Variants in KCNB2 observed in about 807,000 individuals in gnomAD.
KCNB2 encodes the protein delayed rectifier potassium channel protein.
KCNB2 carries 15 observed loss-of-function variants against 61.5 expected under a neutral mutation model. The observed-to-expected ratio is 0.24, with a 90% CI of 0.16 to 0.38. KCNB2 has a LOEUF of 0.38. Among genes scored for constraint, KCNB2 ranks in the 10% least tolerant of loss-of-function variants. The pLI is 1.00. For missense variants in KCNB2, 828 were observed against 1,125.2 expected (o/e 0.74, Z 3.78); for synonymous variants, 457 against 446.0 (o/e 1.02, Z -0.31).
chr8:72,909,156 G>A (rs1169708536), intron 2 of KCNB2, among the ~76,000 whole-genome samples: 2 of 152,132 alleles, frequency 1.3e-5, no homozygotes, highest in Non-Finnish European at 2.9e-5. Flanking sequence ...ATAATCCAGG[G>A]CAACTCCATG....
chr8:72,915,545 A>C (rs1284000976), intron 2 of KCNB2, among the ~76,000 whole-genome samples: 4 of 152,148 alleles, frequency 2.6e-5, no homozygotes. Flanking sequence ...ATAGACACAG[A>C]CATAGAATAT....
At chr8:72,646,003 G>A (rs574778104) in intron 2 of KCNB2, among the ~76,000 whole-genome samples, 1 of 152,180 alleles carries the variant, frequency 6.6e-6, no homozygotes, top group East Asian at 1.9e-4. Context: ...CATTAGTGTT[G>A]TCACAAGAAT....
At chr8:72,881,961 C>A (rs1187240003) in intron 2 of KCNB2, among the ~76,000 whole-genome samples, 1 of 152,156 alleles carries the variant, frequency 6.6e-6, no homozygotes, top group Non-Finnish European at 1.5e-5. Context: ...AAAATAAAAC[C>A]CAGCGTTATC....
At chr8:72,857,183 G>C (rs1810220342) in intron 2 of KCNB2, among the ~76,000 whole-genome samples, 1 of 152,172 alleles carries the variant, frequency 6.6e-6, no homozygotes, top group African/African-American at 2.4e-5. Context: ...TGAGCCTCTT[G>C]AGGGAGTCAG....
intron 2 of KCNB2, among the ~76,000 whole-genome samples, chr8:72,704,054 G>A (rs1352570658): frequency 1.3e-5 from 2 of 152,158 alleles, no homozygotes; most frequent in Non-Finnish European, 2.9e-5. Flanking sequence ...CATCCCACAC[G>A]TAAATCTCAC....
At chr8:72,925,986 A>G (rs185126479) in intron 2 of KCNB2, among the ~76,000 whole-genome samples, 182 of 152,302 alleles carry the variant, frequency 1.2e-3, no homozygotes, top group Non-Finnish European at 2.0e-3. Context: ...TCAGCAAAGT[A>G]ACTTAGGAAC....
At chr8:72,735,292 T>C (rs1426237623) in intron 2 of KCNB2, among the ~76,000 whole-genome samples, 1 of 152,148 alleles carries the variant, frequency 6.6e-6, no homozygotes, top group Non-Finnish European at 1.5e-5. Context: ...TATAGATAAG[T>C]ATTGAGGCTT....
intron 2 of KCNB2, among the ~76,000 whole-genome samples, chr8:72,729,687 C>A (rs1342076231): frequency 6.6e-6 from 1 of 152,098 alleles, no homozygotes; most frequent in African/African-American, 2.4e-5. Flanking sequence ...AGTTCGAGAC[C>A]AGCCTGACCA....
At chr8:72,858,636 TCATA>T (rs1430871571) in intron 2 of KCNB2, among the ~76,000 whole-genome samples, 1 of 152,150 alleles carries the variant, frequency 6.6e-6, no homozygotes, top group African/African-American at 2.4e-5. Context: ...CATGACCCTC[TCATA>T]CAATGAAGAA....
chr8:72,564,049 G>A (rs1806585550), intron 1 of KCNB2, among the ~76,000 whole-genome samples: 1 of 152,182 alleles, frequency 6.6e-6, no homozygotes, highest in Non-Finnish European at 1.5e-5. Context: ...TGCGGGACTT[G>A]TAATCAACAC....
chr8:72,610,554 C>T (rs1805520983), intron 2 of KCNB2, among the ~76,000 whole-genome samples: 1 of 152,002 alleles, frequency 6.6e-6, no homozygotes. Flanking sequence ...AAAAATAACA[C>T]TCATAATAAT....
At chr8:72,604,431 G>T in intron 2 of KCNB2, among the ~76,000 whole-genome samples, 1 of 152,174 alleles carries the variant, frequency 6.6e-6, no homozygotes, top group East Asian at 1.9e-4. Flanking sequence ...TTGGGATGTG[G>T]CATTTAAGAG....
chr8:72,797,075 C>T (rs917714807), intron 2 of KCNB2, among the ~76,000 whole-genome samples: 4 of 152,074 alleles, frequency 2.6e-5, no homozygotes, highest in African/African-American at 4.8e-5. Context: ...AACGATGGTA[C>T]GATATGACAT....
chr8:72,655,863 G>T (rs1431406030), intron 2 of KCNB2, among the ~76,000 whole-genome samples: 3 of 152,084 alleles, frequency 2.0e-5, no homozygotes, highest in Non-Finnish European at 4.4e-5. Flanking sequence ...ACAACATGTG[G>T]TTGCTGGGCA....
In KCNB2 at chr8:72,848,461, GA is replaced by G. The variant is rs567758519; in HGVS notation, c.580-87472del. On this transcript the variant is annotated intron_variant, in intron 2 of 2. Coordinates refer to ENST00000523207, the MANE Select transcript of KCNB2 (RefSeq NM_004770.3). ...TAATAATAAATTTATTATTTGTAAA[GA>G]ATAATAATAAATAAATCGAGATAAA... Among the ~76,000 whole-genome samples, 267 of 151,962 alleles carry G rather than the reference GA, an allele frequency of 1.8e-3. 1 individual carries two copies. Among genetic ancestry groups the G allele is most frequent in the African/African-American group, 6.2e-3 (256 of 41,518 alleles).
intron 2 of KCNB2, among the ~76,000 whole-genome samples, chr8:72,678,625 A>G (rs914627734): frequency 2.6e-5 from 4 of 152,072 alleles, no homozygotes; most frequent in Non-Finnish European, 5.9e-5. Flanking sequence ...CTTTGATAAA[A>G]CCCTTGCCTA....
intron 2 of KCNB2, among the ~76,000 whole-genome samples, chr8:72,716,497 G>T (rs1348988507): frequency 6.6e-6 from 1 of 152,204 alleles, no homozygotes; most frequent in African/African-American, 2.4e-5. Context: ...GGGATGCATG[G>T]CTGGTTCAAC....
chr8:72,724,114 C>T (rs1304975905), intron 2 of KCNB2, among the ~76,000 whole-genome samples: 1 of 152,176 alleles, frequency 6.6e-6, no homozygotes, highest in African/African-American at 2.4e-5. Flanking sequence ...TGCTCAATTA[C>T]TCTCTGGTCC....
chr8:72,731,754 T>C (rs188070738), intron 2 of KCNB2, among the ~76,000 whole-genome samples: 1 of 152,214 alleles, frequency 6.6e-6, no homozygotes, highest in African/African-American at 2.4e-5. Context: ...AGATCATAAA[T>C]CAATATATGT....
Sources: allele counts gnomAD v4.1 joint callset (sites outside exome capture counted in the v4.1 genomes callset), GRCh38; gene constraint gnomAD v4.1.1; transcripts MANE v1.5; gene names NCBI Gene and HGNC (gene_info 2026-07-23, HGNC 2026-07-21).